The following GATA4 variants were observed in gnomAD, a reference collection of about 807,000 sequenced individuals.
GATA4 encodes GATA binding protein 4.
In GATA4, 7 loss-of-function variants were observed where a neutral mutation model predicts 37.9. That is an observed-to-expected ratio of 0.18 (90% CI 0.11 to 0.35). GATA4 has a LOEUF of 0.35. Among genes scored for constraint, GATA4 ranks in the 10% least tolerant of loss-of-function variants. The pLI, the probability that GATA4 is intolerant of heterozygous loss-of-function variation, is 1.00. For missense variants in GATA4, 647 were observed against 653.0 expected, an observed-to-expected ratio of 0.99 and a Z score of 0.10; for synonymous variants, 372 against 292.6, an observed-to-expected ratio of 1.27 and a Z score of -2.77.
At chr8:11,711,985 G>A (rs1800205563) in intron 2 of GATA4, among the ~76,000 whole-genome samples, 1 of 152,112 alleles carries the variant, frequency 6.6e-6, no homozygotes, top group Non-Finnish European at 1.5e-5. Context: ...TTAAAGTTGG[G>A]CAAACCTAGA....
Position 11,758,562 on chromosome 8 carries a change from C to T in GATA4, c.*87C>T. 1 of 1,284,506 alleles carries T rather than the reference C, an allele frequency of 7.8e-7. No individual in the cohort carries two copies. Among genetic ancestry groups the T allele is most frequent in the Non-Finnish European group, 1.1e-6 (1 of 883,376 alleles). The allele number at this position is 1,284,506 out of a possible 1,614,324, so 79.6% of individuals were successfully genotyped here. A position where few individuals can be genotyped will look rare whatever the true frequency, so the allele number is the denominator to read the frequency against. On this transcript the variant is annotated 3_prime_UTR_variant, in exon 7 of 7. Coordinates refer to ENST00000532059, the MANE Select transcript of GATA4 (RefSeq NM_001308093.3). Reference sequence around the variant, plus strand: ...GAGGCCCTGGGCTCCCAGGGGCCGGCCTCCTCTGCCTGGTAATGACTCCAG... The same window carrying T: ...GAGGCCCTGGGCTCCCAGGGGCCGGTCTCCTCTGCCTGGTAATGACTCCAG...
At chr8:11,716,551 G>A (rs1318156996) in intron 2 of GATA4, among the ~76,000 whole-genome samples, 3 of 152,276 alleles carry the variant, frequency 2.0e-5, no homozygotes, top group Admixed American at 6.5e-5. Flanking sequence ...TTTACTGAGA[G>A]GGGGAAATCT....
intron 1 of GATA4, among the ~76,000 whole-genome samples, chr8:11,693,669 G>T (rs1456127053): frequency 2.6e-5 from 4 of 152,054 alleles, no homozygotes; most frequent in African/African-American, 9.7e-5. Context: ...CGGCTGGCGT[G>T]CCTGAGGCCA....
intron 2 of GATA4, among the ~76,000 whole-genome samples, chr8:11,718,914 G>A (rs781714802): frequency 1.3e-4 from 20 of 152,198 alleles, no homozygotes; most frequent in Non-Finnish European, 2.4e-4. Flanking sequence ...GCCAGGAGGC[G>A]CTCATTGACC....
At chr8:11,731,600 G>C (rs1041214624) in intron 2 of GATA4, among the ~76,000 whole-genome samples, 88 of 152,218 alleles carry the variant, frequency 5.8e-4, no homozygotes, top group African/African-American at 2.1e-3. Flanking sequence ...GGAGGATGGG[G>C]AGTTAGAGTT....
intron 2 of GATA4, among the ~76,000 whole-genome samples, chr8:11,727,855 T>A (rs1440103786): frequency 2.0e-5 from 3 of 151,898 alleles, no homozygotes; most frequent in African/African-American, 7.3e-5. Context: ...AAATCCAGCT[T>A]TACCCCGTAT....
chr8:11,719,675 T>C (rs146183035), intron 2 of GATA4, among the ~76,000 whole-genome samples: 2,881 of 152,308 alleles, frequency 0.019, 47 homozygotes, highest in Middle Eastern at 0.044. Flanking sequence ...GGTATGTGTA[T>C]AACTACATTA....
intron 1 of GATA4, among the ~76,000 whole-genome samples, chr8:11,696,367 T>G (rs1033152151): frequency 6.6e-6 from 1 of 152,226 alleles, no homozygotes; most frequent in Non-Finnish European, 1.5e-5. Context: ...AAATGGATTT[T>G]GTCTATCATC....
intron 1 of GATA4, among the ~76,000 whole-genome samples, chr8:11,677,309 GCTTCCTTCCCA>G (rs1347388244): frequency 3.3e-5 from 5 of 152,234 alleles, no homozygotes; most frequent in Admixed American, 6.5e-5. Flanking sequence ...CAGACGCCGG[GCTTCCTTCCCA>G]CTTTCTTTCT....
At chr8:11,754,958 G>A (rs951709806) in intron 4 of GATA4, 88 bp from the exon 5 acceptor site, 11 of 1,006,138 alleles carry the variant, frequency 1.1e-5, no homozygotes, top group Middle Eastern at 2.4e-4. Flanking sequence ...CTTAGGTGTT[G>A]CCTTCTCGCA....
chr8:11,715,844 C>T (rs1397975479), intron 2 of GATA4, among the ~76,000 whole-genome samples: 1 of 152,236 alleles, frequency 6.6e-6, no homozygotes, highest in South Asian at 2.1e-4. Context: ...AGAACTTAAA[C>T]TCTGCCCATT....
chr8:11,681,329 G>T, intron 1 of GATA4: 1 of 985,338 alleles, frequency 1.0e-6, no homozygotes. Flanking sequence ...CTCGACCTGC[G>T]CCCCAACCCA....
rs1391210795 is a variant in GATA4 at position 11,707,687 on chromosome 8, C to G, written c.-457-169C>G. On this transcript the variant is annotated intron_variant, in intron 1 of 6. Transcript: ENST00000532059. This position sits in a 1 kb window ranked among gnomAD's most constrained non-coding sequence, Gnocchi z 4.7. ...TGGGCCGCCTGACCCAACGCCTGGACAAAACAAAGGCCCCTGCTTCCCGGC... is the reference window on the plus strand; with the variant it reads ...TGGGCCGCCTGACCCAACGCCTGGAGAAAACAAAGGCCCCTGCTTCCCGGC... Among the ~76,000 whole-genome samples, 1 of 152,192 alleles carries G rather than the reference C, an allele frequency of 6.6e-6. No individual in the cohort carries two copies. Among genetic ancestry groups the G allele is most frequent in the African/African-American group, 2.4e-5 (1 of 41,450 alleles).
upstream of GATA4, among the ~76,000 whole-genome samples, chr8:11,699,632 T>G (rs925554150): frequency 2.6e-5 from 4 of 152,230 alleles, no homozygotes; most frequent in Non-Finnish European, 5.9e-5. Context: ...CCTCCAGCGC[T>G]GGCGCTCCTC....
At chr8:11,698,180 T>C (rs915803365) in intron 1 of GATA4, among the ~76,000 whole-genome samples, 6 of 152,188 alleles carry the variant, frequency 3.9e-5, no homozygotes, top group African/African-American at 1.4e-4. Context: ...GTCTGTGGTC[T>C]CTCTCCTTTC....
chr8:11,732,168 T>A (rs1454433324), intron 2 of GATA4, among the ~76,000 whole-genome samples: 1 of 152,248 alleles, frequency 6.6e-6, no homozygotes. Flanking sequence ...TTCTTTGGAA[T>A]GCAAATCAGA....
intron 2 of GATA4, among the ~76,000 whole-genome samples, chr8:11,710,713 A>AG (rs1800142169): frequency 6.8e-6 from 1 of 147,066 alleles, no homozygotes; most frequent in African/African-American, 2.5e-5. Context: ...AAAAAAAAAA[A>AG]AGGACTGGTC....
At chr8:11,745,309 C>T (rs1457011886) in intron 2 of GATA4, among the ~76,000 whole-genome samples, 1 of 151,036 alleles carries the variant, frequency 6.6e-6, no homozygotes, top group Non-Finnish European at 1.5e-5. Flanking sequence ...CATGGTGGCT[C>T]ACGCCCATAA....
At chr8:11,692,764 G>T (rs1799359388) in intron 1 of GATA4, 9 of 982,952 alleles carry the variant, frequency 9.2e-6, no homozygotes, top group Admixed American at 6.2e-5. Context: ...ACGGACGGGG[G>T]GCGGGAAGCG....
Sources: gnomAD v4.1 joint callset for allele counts (sites outside exome capture counted in the v4.1 genomes callset) on GRCh38, gnomAD v4.1.1 for gene constraint, Gnocchi (gnomAD v3.1) non-coding constraint, MANE v1.5 for transcripts, NCBI Gene and HGNC (gene_info 2026-07-23, HGNC 2026-07-21) for gene names.